Variants in MAML2 observed in about 807,000 individuals in gnomAD.
MAML2 encodes mastermind-like protein 2.
In MAML2, 22 loss-of-function variants were observed where a neutral mutation model predicts 96.1. The ratio of observed to expected loss-of-function variants is 0.23; its 90% CI spans 0.16 to 0.33. The LOEUF is 0.33. MAML2 is among the 10% of genes least tolerant of loss of function. The pLI is 1.00. For missense variants in MAML2, 1,367 were observed against 1,392.4 expected, an observed-to-expected ratio of 0.98 and a Z score of 0.29; for synonymous variants, 561 against 521.3, an observed-to-expected ratio of 1.08 and a Z score of -1.04.
At chr11:96,015,723 T>C (rs1858340761) in intron 2 of MAML2, among the ~76,000 whole-genome samples, 1 of 152,128 alleles carries the variant, frequency 6.6e-6, no homozygotes, top group Admixed American at 6.5e-5. Flanking sequence ...TGGCATTAGA[T>C]ACTAAGAATA....
intron 1 of MAML2, among the ~76,000 whole-genome samples, chr11:96,212,175 T>C (rs531800881): frequency 6.7e-6 from 1 of 148,462 alleles, no homozygotes; most frequent in Admixed American, 6.8e-5. Flanking sequence ...TAATCTCATT[T>C]GTGGATACAA....
intron 1 of MAML2, among the ~76,000 whole-genome samples, chr11:96,162,717 A>AC (rs1326973315): frequency 5.6e-5 from 8 of 142,264 alleles, no homozygotes; most frequent in African/African-American, 2.1e-4. Flanking sequence ...GTCTCAAAAA[A>AC]AGAAAAAAAA....
intron 1 of MAML2, among the ~76,000 whole-genome samples, chr11:96,275,448 T>C (rs190758619): frequency 6.6e-6 from 1 of 152,100 alleles, no homozygotes; most frequent in East Asian, 1.9e-4. Flanking sequence ...TAGCTAATTT[T>C]TGTATTTTTA....
At chr11:96,066,178 G>A (rs1274368985) in intron 2 of MAML2, among the ~76,000 whole-genome samples, 1 of 152,196 alleles carries the variant, frequency 6.6e-6, no homozygotes, top group African/African-American at 2.4e-5. Context: ...CCCAAGGCTG[G>A]CCCTTCCTAT....
At chr11:96,253,127 G>C (rs947804934) in intron 1 of MAML2, among the ~76,000 whole-genome samples, 1 of 152,076 alleles carries the variant, frequency 6.6e-6, no homozygotes, top group South Asian at 2.1e-4. Context: ...GCTCAACAGA[G>C]GAAAGAGATT....
chr11:96,342,983 T>G lies in MAML2; in HGVS notation c.-1088A>C. 1 of 387,670 alleles carries G rather than the reference T, an allele frequency of 2.6e-6. No individual in the cohort carries two copies. The highest frequency in any genetic ancestry group is 4.6e-6 in the Non-Finnish European group (1 of 219,640). 24.0% of individuals were successfully genotyped at this position (387,670 alleles called of 1,614,324 possible). ...TTTTGTACATTCCATCCCCGGCCAGTGGATCTGAGGGTCTGGACTCGCAAT... is the reference window on the plus strand; with the variant it reads ...TTTTGTACATTCCATCCCCGGCCAGGGGATCTGAGGGTCTGGACTCGCAAT... On this transcript the variant is annotated 5_prime_UTR_variant, in exon 1 of 5. Coordinates refer to ENST00000524717, the MANE Select transcript of MAML2 (RefSeq NM_032427.4).
At chr11:96,166,173 T>TCACACACACA (rs1209384302) in intron 1 of MAML2, among the ~76,000 whole-genome samples, 21 of 110,510 alleles carry the variant, frequency 1.9e-4, no homozygotes, top group African/African-American at 7.2e-4. Flanking sequence ...TCTCTCTCTC[T>TCACACACACA]CTCTCACACA....
intron 1 of MAML2, among the ~76,000 whole-genome samples, chr11:96,102,479 A>G (rs1016027980): frequency 6.6e-6 from 1 of 152,160 alleles, no homozygotes; most frequent in African/African-American, 2.4e-5. Flanking sequence ...AAAGCTAGAA[A>G]AGGAATCCCA....
chr11:96,226,792 TAAG>T (rs1862217161), intron 1 of MAML2, among the ~76,000 whole-genome samples: 1 of 152,216 alleles, frequency 6.6e-6, no homozygotes, highest in African/African-American at 2.4e-5. Flanking sequence ...AAAATGCACT[TAAG>T]TACCTAAACT....
chr11:96,054,483 T>C (rs1859032474), intron 2 of MAML2, among the ~76,000 whole-genome samples: 1 of 152,188 alleles, frequency 6.6e-6, no homozygotes, highest in Non-Finnish European at 1.5e-5. Flanking sequence ...GTTGGACAGT[T>C]TAAGGAGGGG....
chr11:96,184,518 CTT>C (rs1338526061), intron 1 of MAML2, among the ~76,000 whole-genome samples: 1 of 151,144 alleles, frequency 6.6e-6, no homozygotes, highest in Admixed American at 6.6e-5. Flanking sequence ...GATTTCAACC[CTT>C]TATAATTCAG....
intron 2 of MAML2, among the ~76,000 whole-genome samples, chr11:96,046,449 T>C (rs1309126102): frequency 6.6e-6 from 1 of 152,142 alleles, no homozygotes; most frequent in Admixed American, 6.5e-5. Flanking sequence ...ACTACCTCTG[T>C]CAGACTAATG....
At chr11:96,208,655 A>C (rs759868782) in intron 1 of MAML2, among the ~76,000 whole-genome samples, 1 of 152,204 alleles carries the variant, frequency 6.6e-6, no homozygotes, top group Non-Finnish European at 1.5e-5. Flanking sequence ...TGACAAAATA[A>C]AGTTCTTTAA....
chr11:96,312,211 C>G (rs1041880640), intron 1 of MAML2, among the ~76,000 whole-genome samples: 2 of 74,832 alleles, frequency 2.7e-5, no homozygotes, highest in Non-Finnish European at 4.8e-5. Context: ...CAGAGCAAGA[C>G]TCTATCTCAA....
chr11:96,313,670 C>CT (rs368601898), intron 1 of MAML2, among the ~76,000 whole-genome samples: 2 of 152,238 alleles, frequency 1.3e-5, no homozygotes, highest in Non-Finnish European at 2.9e-5. Flanking sequence ...TAAGCCAATC[C>CT]TACAAGGCTT....
intron 1 of MAML2, among the ~76,000 whole-genome samples, chr11:96,313,191 G>T (rs1565281058): frequency 6.6e-6 from 1 of 152,158 alleles, no homozygotes; most frequent in Non-Finnish European, 1.5e-5. Flanking sequence ...CAATTAGCAA[G>T]GGGTAGAGCT....
intron 1 of MAML2, among the ~76,000 whole-genome samples, chr11:96,206,530 G>A (rs1380622806): frequency 1.3e-5 from 2 of 152,126 alleles, no homozygotes; most frequent in Non-Finnish European, 2.9e-5. Context: ...CCCAGGAGGC[G>A]GAGGTTGCAG....
chr11:96,046,058 C>T (rs540311858), intron 2 of MAML2, among the ~76,000 whole-genome samples: 1 of 152,252 alleles, frequency 6.6e-6, no homozygotes, highest in South Asian at 2.1e-4. Flanking sequence ...CCTTCACTTG[C>T]CTCCTGCCAT....
At chr11:96,105,842 G>A (rs1002939343) in intron 1 of MAML2, among the ~76,000 whole-genome samples, 9 of 150,364 alleles carry the variant, frequency 6.0e-5, no homozygotes, top group Admixed American at 6.0e-4. Context: ...TATGAAATAT[G>A]AAGAAGTTTA....
Sources: allele counts gnomAD v4.1 joint callset (sites outside exome capture counted in the v4.1 genomes callset), GRCh38; gene constraint gnomAD v4.1.1; transcripts MANE v1.5; gene names NCBI Gene and HGNC (gene_info 2026-07-23, HGNC 2026-07-21).